Variants in OSBPL3 observed in about 807,000 individuals in gnomAD.
The protein encoded by OSBPL3 is oxysterol binding protein like 3.
Under a neutral mutation model 120.1 loss-of-function variants are expected in OSBPL3, and 65 were observed. The observed-to-expected ratio is 0.54, with a 90% CI of 0.44 to 0.67. The LOEUF (loss-of-function observed/expected upper bound fraction) is 0.67. Ranked by LOEUF, OSBPL3 falls within the 30% of genes least tolerant of loss-of-function variation. The pLI is 0.00. For synonymous variants in OSBPL3, 416 were observed against 402.6 expected (o/e 1.03, Z -0.40); for missense variants, 1,004 against 1,082.1 (o/e 0.93, Z 1.01).
intron 13 of OSBPL3, 64 bp downstream of exon 13, chr7:24,842,215 C>T (rs1241077333): frequency 6.6e-7 from 1 of 1,513,088 alleles, no homozygotes; most frequent in Non-Finnish European, 9.1e-7. Context: ...ATTTACTGAA[C>T]AGATTAATCA....
At position 24,952,063 on chromosome 7, in the gene OSBPL3, G is replaced by A. The variant is rs577587629; in HGVS notation, c.-150+27823C>T. ...ATCTAATAACTAAAAGGAAGAACAC[G>A]AATGAATGTAGAGGGGCCTCCCCAC... On this transcript the variant is annotated intron_variant, in intron 1 of 22. Transcript: ENST00000313367. This position sits in a 1 kb window ranked among gnomAD's most constrained non-coding sequence, Gnocchi z 4.4. Among the ~76,000 whole-genome samples the A allele has an allele frequency of 2.6e-4, 40 of 152,226 alleles. No individual in the cohort carries two copies. In the South Asian group the frequency reaches 5.0e-3, roughly 19 times the overall value.
At chr7:24,800,359 T>A in intron 22 of OSBPL3, 80 bp from the exon 23 acceptor site, 1 of 774,110 alleles carries the variant, frequency 1.3e-6, no homozygotes, top group Non-Finnish European at 2.2e-6. Flanking sequence ...CTAACCTCCC[T>A]GCTTTCCCCA....
At position 24,804,598 on chromosome 7, in the gene OSBPL3, GAAGAT is replaced by G. The variant is rs1316508416; in HGVS notation, c.2445-166_2445-162del. Among the ~76,000 whole-genome samples, 2 of 152,130 alleles carry G rather than the reference GAAGAT, an allele frequency of 1.3e-5. No homozygotes were observed. Among genetic ancestry groups the G allele is most frequent in the Non-Finnish European group, 2.9e-5 (2 of 68,024 alleles). ...TAATCCGTATCTTGAAGTAGTCAGA[GAAGAT>G]ATTTTTTTGAATTGGTGATATTTAC... On this transcript the variant is annotated intron_variant, in intron 21 of 22. Coordinates refer to ENST00000313367, the MANE Select transcript of OSBPL3 (RefSeq NM_015550.4). The surrounding 1 kb of genome is among the most constrained non-coding windows in gnomAD (Gnocchi z 5.4).
rs918781055 is a variant in OSBPL3, at chr7:24,873,021, T to C, written c.97-952A>G. Among the ~76,000 whole-genome samples, 1 of 152,216 alleles carries C rather than the reference T, an allele frequency of 6.6e-6. No individual in the cohort carries two copies. Among genetic ancestry groups the C allele is most frequent in the Non-Finnish European group, 1.5e-5 (1 of 68,044 alleles). ...TAAGAGTATGCCTTGATAAAAATGA[T>C]AAATTTTTACATTTATACATATACT... On this transcript the variant is annotated intron_variant, in intron 2 of 22. Coordinates refer to ENST00000313367, the MANE Select transcript of OSBPL3 (RefSeq NM_015550.4). The surrounding 1 kb of genome is among the most constrained non-coding windows in gnomAD (Gnocchi z 4.1).
chr7:24,812,304 CA>C (rs57963279), intron 19 of OSBPL3, among the ~76,000 whole-genome samples: 47,294 of 96,210 alleles, frequency 0.49, 8,461 homozygotes, highest in African/African-American at 0.57. Flanking sequence ...GACTCCATCT[CA>C]AAAAAAAAAA....
At chr7:24,859,617 C>G (rs1800255931) in intron 10 of OSBPL3, among the ~76,000 whole-genome samples, 1 of 152,148 alleles carries the variant, frequency 6.6e-6, no homozygotes, top group Admixed American at 6.6e-5. Flanking sequence ...TGGGGTCAAA[C>G]AGGTGAGAAT....
At chr7:24,846,992 G>A (rs1444413144) in intron 12 of OSBPL3, among the ~76,000 whole-genome samples, 3 of 151,356 alleles carry the variant, frequency 2.0e-5, no homozygotes, top group Non-Finnish European at 4.4e-5. Flanking sequence ...CCCGGGAGGC[G>A]GAGCTGGCAG....
intron 19 of OSBPL3, among the ~76,000 whole-genome samples, chr7:24,812,179 C>T (rs1323826461): frequency 6.6e-6 from 1 of 151,658 alleles, no homozygotes; most frequent in Non-Finnish European, 1.5e-5. Context: ...TGGTAGTGGG[C>T]ACCTGTAATC....
Position 24,861,609 on chromosome 7 carries a change from T to G in OSBPL3, c.1027+4A>C. The G allele has an allele frequency of 1.3e-6, 2 of 1,576,012 alleles. No individual in the cohort carries two copies. The highest frequency in any genetic ancestry group is 2.3e-5 in the South Asian group (2 of 85,112). ...CACATTAGGAAGAAAGAAAACTCAT[T>G]TACCTTTATGGGCAATATGACACAG... is the stretch of plus-strand genomic sequence containing the variant. On this transcript the variant is annotated splice_donor_region_variant and intron_variant, in intron 10 of 22. Transcript: ENST00000313367.
chr7:24,819,925 ATG>A lies in OSBPL3; in HGVS notation c.1948+248_1948+249del, dbSNP rs1435370261. 6.6e-6 allele frequency among the ~76,000 whole-genome samples: 1 copy of A among 152,248 alleles called. No homozygotes were observed. The highest frequency in any genetic ancestry group is 2.4e-5 in the African/African-American group (1 of 41,464). On this transcript the variant is annotated intron_variant, in intron 17 of 22. Coordinates refer to ENST00000313367, the MANE Select transcript of OSBPL3 (RefSeq NM_015550.4). The surrounding 1 kb of genome is among the most constrained non-coding windows in gnomAD (Gnocchi z 4.1). ...TCTGATAAACAACTGTAAATATTTA[ATG>A]TCTCTTGAAATATGTGAGGCATTTC...
Position 24,798,800 on chromosome 7 carries a change from T to C in OSBPL3, c.*1383A>G, listed in dbSNP as rs1204038011. 6.6e-6 allele frequency: 1 copy of C among 152,644 alleles called. No homozygotes were observed. Among genetic ancestry groups the C allele is most frequent in the African/African-American group, 2.4e-5 (1 of 41,452 alleles). 9.5% of individuals were successfully genotyped at this position (152,644 alleles called of 1,614,324 possible). On this transcript the variant is annotated 3_prime_UTR_variant, in exon 23 of 23. Coordinates refer to ENST00000313367, the MANE Select transcript of OSBPL3 (RefSeq NM_015550.4). This position sits in a 1 kb window ranked among gnomAD's most constrained non-coding sequence, Gnocchi z 4.6. ...AATCTTTTTACTACATCATTATACT[T>C]GATATTCCATAGCATTGCTATGGAC...
chr7:24,839,714 C>A (rs924767665), intron 14 of OSBPL3, among the ~76,000 whole-genome samples: 9 of 152,116 alleles, frequency 5.9e-5, no homozygotes, highest in Non-Finnish European at 1.3e-4. Context: ...CTGGCCCAGG[C>A]ACGGTGGCTC....
rs563843932 is a variant in OSBPL3 at position 24,900,435 on chromosome 7, G to A, written c.-149-7814C>T. Reference sequence around the variant, plus strand: ...CGGTAAAATTAGCTTCGTATATATCGTTTCACTTGAAGTCACAGTTTCCAA... The same window carrying A: ...CGGTAAAATTAGCTTCGTATATATCATTTCACTTGAAGTCACAGTTTCCAA... On this transcript the variant is annotated intron_variant, in intron 1 of 22. Transcript: ENST00000313367. This position sits in a 1 kb window ranked among gnomAD's most constrained non-coding sequence, Gnocchi z 4.5. Among the ~76,000 whole-genome samples the A allele has an allele frequency of 1.4e-4, 22 of 152,260 alleles. No homozygotes were observed. Among genetic ancestry groups the A allele is most frequent in the African/African-American group, 5.3e-4 (22 of 41,536 alleles).
chr7:24,843,256 T>G (rs1798003443), intron 12 of OSBPL3, among the ~76,000 whole-genome samples: 1 of 152,172 alleles, frequency 6.6e-6, no homozygotes, highest in Non-Finnish European at 1.5e-5. Flanking sequence ...GACAAAGTGC[T>G]GGCAAAGTGG....
chr7:24,947,744 T>C lies in OSBPL3; in HGVS notation c.-150+32142A>G, dbSNP rs1217781925. On this transcript the variant is annotated intron_variant, in intron 1 of 22. Coordinates refer to ENST00000313367, the MANE Select transcript of OSBPL3 (RefSeq NM_015550.4). This position sits in a 1 kb window ranked among gnomAD's most constrained non-coding sequence, Gnocchi z 4.4. ...AATCTGAACACAAGTAATATATGCA[T>C]GTGTATATATGTATACATACATATC... Among the ~76,000 whole-genome samples, 1 of 150,468 alleles carries C rather than the reference T, an allele frequency of 6.6e-6. No individual in the cohort carries two copies. The highest frequency in any genetic ancestry group is 1.5e-5 in the Non-Finnish European group (1 of 67,842).
chr7:24,963,385 T>C (rs1393915043), intron 1 of OSBPL3, among the ~76,000 whole-genome samples: 1 of 152,176 alleles, frequency 6.6e-6, no homozygotes, highest in African/African-American at 2.4e-5. Flanking sequence ...ATGTCAGCAG[T>C]GCCACTCTGT....
chr7:24,856,114 G>A (rs1799808523), intron 10 of OSBPL3, among the ~76,000 whole-genome samples: 1 of 152,184 alleles, frequency 6.6e-6, no homozygotes, highest in Non-Finnish European at 1.5e-5. Context: ...AATATCGGAA[G>A]GCAACTGTGG....
intron 1 of OSBPL3, among the ~76,000 whole-genome samples, chr7:24,897,470 C>T (rs1359938044): frequency 7.9e-5 from 12 of 151,410 alleles, no homozygotes; most frequent in African/African-American, 2.2e-4. Context: ...GGACTACAGG[C>T]GCCCGCTACC....
intron 1 of OSBPL3, among the ~76,000 whole-genome samples, chr7:24,935,936 G>T (rs968360703): frequency 6.6e-6 from 1 of 151,844 alleles, no homozygotes; most frequent in Non-Finnish European, 1.5e-5. Context: ...ACAATGTGCA[G>T]GTTAGTTACA....
Sources: gnomAD v4.1 joint callset for allele counts (sites outside exome capture counted in the v4.1 genomes callset) on GRCh38, gnomAD v4.1.1 for gene constraint, Gnocchi (gnomAD v3.1) non-coding constraint, MANE v1.5 for transcripts, NCBI Gene and HGNC (gene_info 2026-07-23, HGNC 2026-07-21) for gene names.